Variants in TBC1D19 observed in about 807,000 individuals in gnomAD.
TBC1D19 encodes TBC1 domain family member 19, also known as TBC1 domain family, member 19.
TBC1D19 carries 60 observed loss-of-function variants against 89.0 expected under a neutral mutation model. That is an observed-to-expected ratio of 0.67 (90% CI 0.55 to 0.84). TBC1D19 has a LOEUF of 0.84. Ranked by LOEUF, TBC1D19 falls within the 40% of genes least tolerant of loss-of-function variation. TBC1D19 has a pLI of 0.00. For synonymous variants in TBC1D19, 189 were observed against 199.7 expected (o/e 0.95, Z 0.45); for missense variants, 500 against 610.8 (o/e 0.82, Z 1.91).
the TBC1D19 span, among the ~76,000 whole-genome samples, chr4:26,786,798 T>TGGGTGGAA: frequency 6.6e-6 from 1 of 151,092 alleles, no homozygotes; most frequent in African/African-American, 2.4e-5. Context: ...GATGGATGGG[T>TGGGTGGAA]GGGTGGAAGG....
At chr4:26,793,801 C>T in the TBC1D19 span, among the ~76,000 whole-genome samples, 1 of 151,802 alleles carries the variant, frequency 6.6e-6, no homozygotes, top group African/African-American at 2.4e-5. Flanking sequence ...AGACTTCATT[C>T]TCAGACTGGT....
chr4:26,695,797 C>G (rs548095400), intron 13 of TBC1D19, among the ~76,000 whole-genome samples: 1 of 152,244 alleles, frequency 6.6e-6, no homozygotes, highest in African/African-American at 2.4e-5. Flanking sequence ...CCTTTACATA[C>G]AAGCAAATGC....
At chr4:26,851,335 A>ATCTG in the TBC1D19 span, among the ~76,000 whole-genome samples, 5 of 103,234 alleles carry the variant, frequency 4.8e-5, no homozygotes, top group African/African-American at 1.8e-4. Flanking sequence ...CTATCTATCT[A>ATCTG]TCTATCTATC....
chr4:26,842,558 T>C, the TBC1D19 span, among the ~76,000 whole-genome samples: 40 of 91,712 alleles, frequency 4.4e-4, no homozygotes, highest in South Asian at 1.2e-3. Context: ...TCCCTCCCTC[T>C]TTCTTTCCTT....
At chr4:26,756,864 G>T (rs1719284060), downstream of TBC1D19, among the ~76,000 whole-genome samples, 1 of 152,140 alleles carries the variant, frequency 6.6e-6, no homozygotes, top group South Asian at 2.1e-4. Context: ...GAAACAGGTG[G>T]CTCTAGGCAG....
rs931147892 is a variant in TBC1D19 at position 26,753,907 on chromosome 4, C to G, written c.1506+17C>G. ...GCAGCTGAAGTAAGGATAAGTTTCA[C>G]TCAGATGGGATGGAAATAGTTTCTG... On this transcript the variant is annotated intron_variant, in intron 20 of 20. Transcript: ENST00000264866. The G allele has an allele frequency of 6.2e-7, 1 of 1,613,354 alleles. No homozygotes were observed. The highest frequency in any genetic ancestry group is 1.3e-5 in the African/African-American group (1 of 74,866).
chr4:26,717,835 T>C, intron 13 of TBC1D19, 98 bp from the exon 14 acceptor site: 1 of 931,868 alleles, frequency 1.1e-6, no homozygotes, highest in Non-Finnish European at 1.7e-6. Flanking sequence ...CAAGGCACGG[T>C]ACTTGAACTT....
intron 13 of TBC1D19, among the ~76,000 whole-genome samples, chr4:26,699,182 C>A (rs550378506): frequency 1.1e-4 from 17 of 152,220 alleles, no homozygotes; most frequent in Non-Finnish European, 2.1e-4. Context: ...AACAAACAAC[C>A]CCATCAAAAA....
the TBC1D19 span, among the ~76,000 whole-genome samples, chr4:26,826,538 CA>C: frequency 2.0e-5 from 3 of 152,184 alleles, no homozygotes; most frequent in Admixed American, 1.3e-4. Context: ...AGAGCTGTTA[CA>C]AACATAAAAT....
intron 1 of TBC1D19, among the ~76,000 whole-genome samples, chr4:26,585,486 AT>A (rs761020585): frequency 1.2e-4 from 18 of 151,772 alleles, no homozygotes; most frequent in African/African-American, 1.9e-4. Flanking sequence ...TAAAAAAAAA[AT>A]AGTGTTGTCT....
At chr4:26,807,013 A>G in the TBC1D19 span, among the ~76,000 whole-genome samples, 1 of 152,200 alleles carries the variant, frequency 6.6e-6, no homozygotes, top group African/African-American at 2.4e-5. Context: ...GGAAACTAAT[A>G]TAACACTCAA....
chr4:26,778,921 G>A, the TBC1D19 span, among the ~76,000 whole-genome samples: 1 of 152,122 alleles, frequency 6.6e-6, no homozygotes, highest in Non-Finnish European at 1.5e-5. Context: ...TTTAATTCCT[G>A]ATACCCAAGC....
At chr4:26,663,271 G>A (rs1171317462) in intron 8 of TBC1D19, among the ~76,000 whole-genome samples, 2 of 152,194 alleles carry the variant, frequency 1.3e-5, no homozygotes, top group Non-Finnish European at 2.9e-5. Flanking sequence ...AGTACCACAT[G>A]CCTCACCAGT....
chr4:26,803,518 C>T, the TBC1D19 span, among the ~76,000 whole-genome samples: 1 of 152,210 alleles, frequency 6.6e-6, no homozygotes, highest in East Asian at 1.9e-4. Context: ...GGAACTGGCC[C>T]TGTGACTAGA....
chr4:26,828,373 G>A, the TBC1D19 span, among the ~76,000 whole-genome samples: 1 of 152,234 alleles, frequency 6.6e-6, no homozygotes, highest in Non-Finnish European at 1.5e-5. Flanking sequence ...CTGGAGCAGA[G>A]CCAAAAAGAA....
intron 8 of TBC1D19, among the ~76,000 whole-genome samples, chr4:26,660,640 C>G (rs1218871616): frequency 1.3e-5 from 2 of 152,106 alleles, no homozygotes; most frequent in Non-Finnish European, 2.9e-5. Flanking sequence ...ATTTCTAGTT[C>G]CTGTATGTAG....
chr4:26,594,133 A>G (rs1228019026), intron 1 of TBC1D19, among the ~76,000 whole-genome samples: 2 of 152,242 alleles, frequency 1.3e-5, no homozygotes, highest in African/African-American at 2.4e-5. Flanking sequence ...AATGTGGCAC[A>G]TATACACCAT....
intron 19 of TBC1D19, among the ~76,000 whole-genome samples, chr4:26,752,909 T>C (rs1719051217): frequency 6.6e-6 from 1 of 152,226 alleles, no homozygotes; most frequent in South Asian, 2.1e-4. Context: ...TTCTCCTGCC[T>C]CAGCTTCCCA....
At chr4:26,817,606 A>G in the TBC1D19 span, among the ~76,000 whole-genome samples, 1 of 152,166 alleles carries the variant, frequency 6.6e-6, no homozygotes, top group Non-Finnish European at 1.5e-5. Context: ...AGAATCAATC[A>G]GGGATTCAAT....
Sources: allele counts gnomAD v4.1 joint callset (sites outside exome capture counted in the v4.1 genomes callset), GRCh38; gene constraint gnomAD v4.1.1; transcripts MANE v1.5; gene names NCBI Gene and HGNC (gene_info 2026-07-23, HGNC 2026-07-21).